The following CCDC171 variants were observed in gnomAD, a reference collection of about 807,000 sequenced individuals.
The protein encoded by CCDC171 is coiled-coil domain-containing protein 171.
CCDC171 carries 177 observed loss-of-function variants against 168.2 expected under a neutral mutation model. The observed-to-expected ratio is 1.05, with a 90% CI of 0.93 to 1.19. The LOEUF is 1.19. Ranked by LOEUF, CCDC171 falls within the 50% of genes most tolerant of loss-of-function variation. The probability of loss-of-function intolerance (pLI) is 0.00; values close to 1 mark genes in which losing one functional copy is unlikely to be tolerated. For synonymous variants in CCDC171, 687 were observed against 540.8 expected (o/e 1.27, Z -3.75); for missense variants, 1,991 against 1,539.0 (o/e 1.29, Z -4.91).
rs545856053 is a variant in CCDC171 at position 15,720,579 on chromosome 9, GA to G, written c.1319-1189del. On this transcript the variant is annotated intron_variant, in intron 11 of 25. Coordinates refer to ENST00000380701, the MANE Select transcript of CCDC171 (RefSeq NM_173550.4). ...AAATATTTATATTATAAAATATGAT[GA>G]GAAGAAATAACAAGAAAAGAAAAAT... 2.7e-3 allele frequency among the ~76,000 whole-genome samples: 416 copies of G among 152,232 alleles called. 2 individuals are homozygous for G. The highest frequency in any genetic ancestry group is 4.4e-3 in the Non-Finnish European group (300 of 67,992).
intron 2 of CCDC171, among the ~76,000 whole-genome samples, chr9:15,566,973 T>A (rs2039783806): frequency 6.6e-6 from 1 of 152,108 alleles, no homozygotes; most frequent in Non-Finnish European, 1.5e-5. Context: ...ACTTAACTAT[T>A]TAAGTATAGG....
At chr9:15,681,067 C>G (rs978686572) in intron 10 of CCDC171, among the ~76,000 whole-genome samples, 1 of 151,902 alleles carries the variant, frequency 6.6e-6, no homozygotes, top group South Asian at 2.1e-4. Flanking sequence ...TTTTCTAAAA[C>G]ATTTACAGAG....
chr9:15,665,810 A>G (rs1419235681), intron 8 of CCDC171, among the ~76,000 whole-genome samples: 1 of 152,156 alleles, frequency 6.6e-6, no homozygotes, highest in Non-Finnish European at 1.5e-5. Context: ...AATTTATTAT[A>G]TTTTATAAAA....
intron 3 of CCDC171, among the ~76,000 whole-genome samples, chr9:15,999,612 G>A (rs1434988929): frequency 6.6e-6 from 1 of 152,192 alleles, no homozygotes. Flanking sequence ...CACTGTACCA[G>A]AAAGCATCCA....
At chr9:15,743,850 C>A (rs2055068715) in intron 16 of CCDC171, among the ~76,000 whole-genome samples, 1 of 152,056 alleles carries the variant, frequency 6.6e-6, no homozygotes, top group Non-Finnish European at 1.5e-5. Flanking sequence ...AAAGTAAAGT[C>A]TTTTTTACAT....
chr9:16,045,576 C>A (rs1833648086), intron 1 of CCDC171, among the ~76,000 whole-genome samples: 1 of 152,146 alleles, frequency 6.6e-6, no homozygotes, highest in East Asian at 1.9e-4. Flanking sequence ...CCACAGGAGC[C>A]ACAGCAACTC....
At chr9:16,031,410 A>G (rs1564127998) in intron 6 of CCDC171, among the ~76,000 whole-genome samples, 1 of 152,242 alleles carries the variant, frequency 6.6e-6, no homozygotes, top group African/African-American at 2.4e-5. Flanking sequence ...ACATGTGGTA[A>G]GTTGTATATA....
chr9:15,954,884 T>C (rs1174632108), intron 25 of CCDC171, among the ~76,000 whole-genome samples: 1 of 152,110 alleles, frequency 6.6e-6, no homozygotes, highest in East Asian at 1.9e-4. Flanking sequence ...TGTAAGACAG[T>C]TGTTGTAATG....
At position 15,666,199 on chromosome 9, in the gene CCDC171, G is replaced by C; in HGVS notation, c.952G>C (p.Glu318Gln). Reference sequence around the variant, plus strand: ...AGACCTTGAAGGAGCTTTGCAAGTAGAGAAGGCCAGTCAAGCAGAAGCTGT... The same window carrying C: ...AGACCTTGAAGGAGCTTTGCAAGTACAGAAGGCCAGTCAAGCAGAAGCTGT... The part of the protein sequence containing the change: ...IRDLEGALQV[E>Q]KASQAEAVAD... The change falls in exon 9 of 26, where the codon GAG (glutamate) becomes CAG (glutamine). Residue 318 changes from glutamate (E) to glutamine (Q), a missense_variant. Glu to Gln is a conservative substitution (Grantham distance 29, BLOSUM62 2). Coordinates refer to ENST00000380701, the MANE Select transcript of CCDC171 (RefSeq NM_173550.4). 1.2e-6 allele frequency: 2 copies of C among 1,613,830 alleles called. No individual in the cohort carries two copies. Among genetic ancestry groups the C allele is most frequent in the South Asian group, 1.1e-5 (1 of 91,064 alleles).
chr9:15,908,853 C>G (rs1823164590), intron 24 of CCDC171, among the ~76,000 whole-genome samples: 1 of 152,032 alleles, frequency 6.6e-6, no homozygotes, highest in African/African-American at 2.4e-5. Context: ...TTTTAAAGCA[C>G]CAAGCCATGA....
intron 6 of CCDC171, among the ~76,000 whole-genome samples, chr9:16,029,718 G>T (rs752535983): frequency 2.0e-5 from 3 of 152,134 alleles, no homozygotes; most frequent in Non-Finnish European, 2.9e-5. Flanking sequence ...TGAGATTTTT[G>T]GAGCTAGAAG....
the CCDC171 span, among the ~76,000 whole-genome samples, chr9:16,100,348 C>G: frequency 1.3e-5 from 2 of 152,210 alleles, no homozygotes; most frequent in Non-Finnish European, 2.9e-5. Flanking sequence ...ATAAGCCTAT[C>G]TCCAGCCGCT....
At chr9:15,691,541 G>C (rs1260540143) in intron 10 of CCDC171, among the ~76,000 whole-genome samples, 1 of 114,836 alleles carries the variant, frequency 8.7e-6, no homozygotes, top group Non-Finnish European at 1.7e-5. Context: ...GTAAATATAT[G>C]TTTTTTATAT....
downstream of CCDC171, among the ~76,000 whole-genome samples, chr9:16,062,743 A>G (rs1410399377): frequency 1.3e-5 from 2 of 152,164 alleles, no homozygotes; most frequent in Non-Finnish European, 2.9e-5. Flanking sequence ...AGAGAGTGAC[A>G]TGCACACAAA....
At chr9:16,091,282 C>T in the CCDC171 span, among the ~76,000 whole-genome samples, 1 of 152,166 alleles carries the variant, frequency 6.6e-6, no homozygotes, top group Non-Finnish European at 1.5e-5. Flanking sequence ...CCTCTCCACC[C>T]TCACCCCACA....
rs188944496 is a variant in CCDC171 at position 15,565,681 on chromosome 9, A to C, written c.41+1552A>C. ...TTCCTGAGTTTTGTAAAGTTGTAAC[A>C]CGTAGCAGCCCTTCGTTTCTTTTTA... On this transcript the variant is annotated intron_variant, in intron 2 of 25. Coordinates refer to ENST00000380701, the MANE Select transcript of CCDC171 (RefSeq NM_173550.4). Among the ~76,000 whole-genome samples the C allele has an allele frequency of 2.6e-5, 4 of 152,318 alleles. No individual in the cohort carries two copies. In the East Asian group the frequency reaches 7.7e-4, roughly 29 times the overall value.
chr9:15,974,340 A>G (rs942884996), downstream of CCDC171, among the ~76,000 whole-genome samples: 3 of 152,176 alleles, frequency 2.0e-5, no homozygotes, highest in African/African-American at 4.8e-5. Context: ...CACCTTAGTG[A>G]CCAATTGCTG....
At chr9:15,836,717 G>A (rs2136311402) in intron 21 of CCDC171, among the ~76,000 whole-genome samples, 1 of 152,192 alleles carries the variant, frequency 6.6e-6, no homozygotes. Context: ...TTGACATTTT[G>A]CTTCTAGTCA....
At chr9:15,729,555 C>G (rs1025806952) in intron 15 of CCDC171, 55 bp from the exon 16 acceptor site, 3 of 1,174,290 alleles carry the variant, frequency 2.6e-6, no homozygotes, top group African/African-American at 3.0e-5. Flanking sequence ...GGGGAGATGA[C>G]ACAAAGAAAT....
Sources: allele counts gnomAD v4.1 joint callset (sites outside exome capture counted in the v4.1 genomes callset), GRCh38; gene constraint gnomAD v4.1.1; transcripts MANE v1.5; gene names NCBI Gene and HGNC (gene_info 2026-07-23, HGNC 2026-07-21).